Variants in XPOT observed in about 807,000 individuals in gnomAD.
XPOT encodes the protein exportin for tRNA.
XPOT carries 34 observed loss-of-function variants against 128.2 expected under a neutral mutation model. That is an observed-to-expected ratio of 0.27 (90% confidence interval 0.20 to 0.35). The LOEUF (loss-of-function observed/expected upper bound fraction) is 0.35, where lower values mean the gene tolerates loss of function less well. Ranked by LOEUF, XPOT falls within the 10% of genes least tolerant of loss-of-function variation. XPOT has a pLI of 1.00. For synonymous variants in XPOT, 348 were observed against 394.3 expected, an observed-to-expected ratio of 0.88 and a Z score of 1.39; for missense variants, 838 against 1,125.3, an observed-to-expected ratio of 0.74 and a Z score of 3.65.
chr12:64,445,037 C>T, intron 23 of XPOT, 38 bp from the exon 24 acceptor site: 1 of 1,507,162 alleles, frequency 6.6e-7, no homozygotes, highest in Non-Finnish European at 9.0e-7. Flanking sequence ...AATACAAATA[C>T]ATTTGTTCTT....
Position 64,425,807 on chromosome 12 carries a change from T to C in XPOT, c.1573-8T>C, listed in dbSNP as rs901582524. ...ATGCAGAAATAGTAAAAGTGTCTCC[T>C]TCTTTAGATGGCTTTCTTAGATCAC... On this transcript the variant is annotated splice_polypyrimidine_tract_variant and splice_region_variant and intron_variant, in intron 14 of 24. Transcript: ENST00000332707. 7.4e-6 allele frequency: 12 copies of C among 1,613,134 alleles called. No individual in the cohort carries two copies. In the African/African-American group the frequency reaches 1.6e-4, roughly 22 times the overall value.
At chr12:64,447,716 G>A (rs1175342608) in intron 24 of XPOT, among the ~76,000 whole-genome samples, 1 of 152,158 alleles carries the variant, frequency 6.6e-6, no homozygotes, top group Admixed American at 6.5e-5. Context: ...CTGGCTTCAG[G>A]CCTCGGCCTC....
intron 24 of XPOT, 126 bp from the exon 25 acceptor site, chr12:64,447,979 A>G: frequency 1.2e-6 from 1 of 843,936 alleles, no homozygotes; most frequent in East Asian, 2.5e-5. Flanking sequence ...ACGGATATAT[A>G]AGGCATGCGA....
At chr12:64,431,099 A>T (rs886634906) in intron 17 of XPOT, among the ~76,000 whole-genome samples, 2 of 151,982 alleles carry the variant, frequency 1.3e-5, no homozygotes, top group Non-Finnish European at 2.9e-5. Flanking sequence ...ATGTGCTACC[A>T]CACCCAGCTA....
At chr12:64,414,016 C>G (rs1480258540) in intron 2 of XPOT, among the ~76,000 whole-genome samples, 3 of 152,188 alleles carry the variant, frequency 2.0e-5, no homozygotes, top group Admixed American at 1.3e-4. Context: ...TAATTGCTGT[C>G]AAATCATCTA....
In XPOT at chr12:64,449,575, T is replaced by C. The variant is rs917911842; in HGVS notation, c.*1444T>C. ...ATGGGCTTCAGTGGCTTATAAACTC[T>C]GTAAAATTCTATTCTAAATTTTGTA... On this transcript the variant is annotated 3_prime_UTR_variant, in exon 25 of 25. Coordinates refer to ENST00000332707, the MANE Select transcript of XPOT (RefSeq NM_007235.6). 6.6e-6 allele frequency: 1 copy of C among 152,276 alleles called. No homozygotes were observed. The highest frequency in any genetic ancestry group is 1.5e-5 in the Non-Finnish European group (1 of 68,046). The allele number at this position is 152,276 out of a possible 1,614,324, so 9.4% of individuals were successfully genotyped here.
At chr12:64,423,813 T>A (rs555059795) in intron 11 of XPOT, among the ~76,000 whole-genome samples, 1 of 152,158 alleles carries the variant, frequency 6.6e-6, no homozygotes, top group Admixed American at 6.5e-5. Flanking sequence ...ATTGATAATA[T>A]TATTGGTGAT....
At chr12:64,414,619 C>T (rs867023821) in intron 2 of XPOT, among the ~76,000 whole-genome samples, 4 of 152,196 alleles carry the variant, frequency 2.6e-5, no homozygotes, top group South Asian at 2.1e-4. Context: ...CACTTGCTCT[C>T]ATTCTTCATA....
intron 1 of XPOT, among the ~76,000 whole-genome samples, chr12:64,408,454 A>G (rs1466545400): frequency 6.6e-6 from 1 of 152,184 alleles, no homozygotes; most frequent in East Asian, 1.9e-4. Flanking sequence ...TCCCTACCTT[A>G]TAGGTCTTGA....
Position 64,423,060 on chromosome 12 carries a change from T to G in XPOT, c.1119+17T>G. ...AATGTAGAGGTAATTGACTTTATGC[T>G]TCTTTTAAACCAATGATAGATTTTT... On this transcript the variant is annotated intron_variant, in intron 10 of 24. Coordinates refer to ENST00000332707, the MANE Select transcript of XPOT (RefSeq NM_007235.6). 6.2e-7 allele frequency: 1 copy of G among 1,612,708 alleles called. No individual in the cohort carries two copies. Among genetic ancestry groups the G allele is most frequent in the Non-Finnish European group, 8.5e-7 (1 of 1,179,602 alleles).
rs762812389 is a variant in XPOT, at chr12:64,425,381, C to T, written c.1496C>T (p.Thr499Ile). ...GVSSYQHTSV[T>I]LEFFETVVRY... Reference sequence around the variant, plus strand: ...AGTTCCTATCAGCATACATCTGTGACATTGGAGTTCTTCGAAACTGTTGTT... The same window carrying T: ...AGTTCCTATCAGCATACATCTGTGATATTGGAGTTCTTCGAAACTGTTGTT... The change falls in exon 14 of 25, where the codon ACA becomes ATA. Residue 499 changes from threonine (T) to isoleucine (I), a missense_variant. Transcript: ENST00000332707. 6.2e-7 allele frequency: 1 copy of T among 1,613,520 alleles called. No homozygotes were observed. The highest frequency in any genetic ancestry group is 1.1e-5 in the South Asian group (1 of 91,046).
At chr12:64,414,244 G>T (rs904747355) in intron 2 of XPOT, among the ~76,000 whole-genome samples, 1 of 152,120 alleles carries the variant, frequency 6.6e-6, no homozygotes, top group Non-Finnish European at 1.5e-5. Context: ...CTCCTTGTTG[G>T]CACTGTTACT....
intron 1 of XPOT, among the ~76,000 whole-genome samples, chr12:64,408,161 G>A (rs1246691463): frequency 6.6e-6 from 1 of 152,160 alleles, no homozygotes; most frequent in Non-Finnish European, 1.5e-5. Context: ...CCAGGCTGGA[G>A]TGCAGTGGCG....
At chr12:64,417,165 C>T (rs2136016428) in intron 4 of XPOT, among the ~76,000 whole-genome samples, 2 of 152,238 alleles carry the variant, frequency 1.3e-5, no homozygotes, top group African/African-American at 2.4e-5. Context: ...TGCAGTGAGC[C>T]GGGATCACAC....
At chr12:64,414,674 G>A (rs1255352359) in intron 2 of XPOT, among the ~76,000 whole-genome samples, 2 of 152,176 alleles carry the variant, frequency 1.3e-5, no homozygotes, top group Admixed American at 1.3e-4. Flanking sequence ...TGTTGCTGCT[G>A]TAAGAAAACA....
intron 8 of XPOT, 134 bp from the exon 9 acceptor site, chr12:64,421,101 C>T: frequency 1.3e-6 from 1 of 755,868 alleles, no homozygotes; most frequent in Non-Finnish European, 2.2e-6. Context: ...CGTGCCCAGC[C>T]TGGAATTGTT....
chr12:64,415,624 C>A (rs1438974108), intron 3 of XPOT, among the ~76,000 whole-genome samples: 22 of 152,128 alleles, frequency 1.4e-4, no homozygotes, highest in Admixed American at 1.4e-3. Context: ...TGTGATCCGC[C>A]CGTCTCGGCC....
At chr12:64,411,066 G>T (rs116915604) in intron 2 of XPOT, among the ~76,000 whole-genome samples, 1,634 of 152,250 alleles carry the variant, frequency 0.011, 18 homozygotes, top group Middle Eastern at 0.041. Flanking sequence ...CCATGTGCAT[G>T]TCTCTGCTAC....
intron 1 of XPOT, among the ~76,000 whole-genome samples, chr12:64,407,564 A>G (rs2039994719): frequency 6.6e-6 from 1 of 152,138 alleles, no homozygotes; most frequent in Non-Finnish European, 1.5e-5. Flanking sequence ...TGGGGCATGT[A>G]ATCCAATTTG....
Sources: gnomAD v4.1 joint callset for allele counts (sites outside exome capture counted in the v4.1 genomes callset) on GRCh38, gnomAD v4.1.1 for gene constraint, MANE v1.5 for transcripts, NCBI Gene and HGNC (gene_info 2026-07-23, HGNC 2026-07-21) for gene names.